EXOC6B: variants seen among roughly 807,000 people sequenced by gnomAD.
EXOC6B encodes the protein SEC15 homolog B.
In EXOC6B, 54 loss-of-function variants were observed where a neutral mutation model predicts 113.5. That is an observed-to-expected ratio of 0.48 (90% CI 0.38 to 0.60). The LOEUF is 0.60. EXOC6B is among the 20% of genes least tolerant of loss of function. The probability of loss-of-function intolerance (pLI) is 0.00; values close to 1 mark genes in which losing one functional copy is unlikely to be tolerated. For synonymous variants in EXOC6B, 357 were observed against 339.0 expected (o/e 1.05, Z -0.58); for missense variants, 797 against 977.5 (o/e 0.82, Z 2.46).
At chr2:72,504,772 C>T (rs1381531699) in intron 11 of EXOC6B, among the ~76,000 whole-genome samples, 1 of 152,046 alleles carries the variant, frequency 6.6e-6, no homozygotes, top group Non-Finnish European at 1.5e-5. Context: ...TCTATTGCTC[C>T]ATATCTTTAT....
At chr2:72,478,268 A>G (rs1242611732) in intron 17 of EXOC6B, among the ~76,000 whole-genome samples, 1 of 152,206 alleles carries the variant, frequency 6.6e-6, no homozygotes, top group African/African-American at 2.4e-5. Context: ...CTTATGAATC[A>G]GGAAAGCTAA....
intron 6 of EXOC6B, among the ~76,000 whole-genome samples, chr2:72,710,415 A>C (rs1679196370): frequency 6.6e-6 from 1 of 152,068 alleles, no homozygotes; most frequent in Non-Finnish European, 1.5e-5. Flanking sequence ...TTTTAAGGCA[A>C]GCAGAAAAAA....
chr2:72,812,061 A>G (rs753533127), intron 1 of EXOC6B, among the ~76,000 whole-genome samples: 1 of 152,184 alleles, frequency 6.6e-6, no homozygotes, highest in Non-Finnish European at 1.5e-5. Flanking sequence ...AGGAAATAAA[A>G]GGCATAAAAA....
chr2:72,556,385 T>C (rs1279897915), intron 8 of EXOC6B, among the ~76,000 whole-genome samples: 4 of 152,228 alleles, frequency 2.6e-5, no homozygotes, highest in Non-Finnish European at 5.9e-5. Context: ...ATTTAGCTTC[T>C]TCTGACTTCT....
chr2:72,263,966 G>A (rs1032936811), intron 20 of EXOC6B, among the ~76,000 whole-genome samples: 20 of 152,272 alleles, frequency 1.3e-4, no homozygotes, highest in African/African-American at 4.8e-4. Flanking sequence ...TGAAGATTCT[G>A]AAAGGAGTTT....
intron 1 of EXOC6B, among the ~76,000 whole-genome samples, chr2:72,764,868 C>G (rs145898609): frequency 6.6e-6 from 1 of 152,130 alleles, no homozygotes; most frequent in Non-Finnish European, 1.5e-5. Context: ...TAAGCCAGAT[C>G]GTATACTAAT....
At chr2:72,712,010 T>C (rs968415877) in intron 6 of EXOC6B, among the ~76,000 whole-genome samples, 6 of 152,208 alleles carry the variant, frequency 3.9e-5, no homozygotes, top group Non-Finnish European at 5.9e-5. Flanking sequence ...TGGACTACTG[T>C]ACAGTACTAA....
intron 20 of EXOC6B, among the ~76,000 whole-genome samples, chr2:72,306,620 C>T (rs747075114): frequency 2.6e-5 from 4 of 152,142 alleles, no homozygotes; most frequent in South Asian, 2.1e-4. Flanking sequence ...CTCTTTTACC[C>T]TCTTTAAGTA....
intron 11 of EXOC6B, among the ~76,000 whole-genome samples, chr2:72,507,904 G>A (rs1323911322): frequency 6.9e-6 from 1 of 144,988 alleles, no homozygotes; most frequent in Non-Finnish European, 1.5e-5. Context: ...GAGATTTAGA[G>A]ATCTGTTACA....
chr2:72,378,875 G>A (rs1048040442), intron 19 of EXOC6B, among the ~76,000 whole-genome samples: 2 of 151,902 alleles, frequency 1.3e-5, no homozygotes, highest in African/African-American at 4.8e-5. Context: ...ATTCAACTTC[G>A]AGTAGATGAT....
intron 6 of EXOC6B, among the ~76,000 whole-genome samples, chr2:72,593,333 C>A (rs1706096347): frequency 6.6e-6 from 1 of 152,050 alleles, no homozygotes; most frequent in Non-Finnish European, 1.5e-5. Flanking sequence ...TGTAGCCAAG[C>A]TAAACAGAAG....
At chr2:72,447,345 C>G (rs1162342093) in intron 18 of EXOC6B, among the ~76,000 whole-genome samples, 1 of 152,070 alleles carries the variant, frequency 6.6e-6, no homozygotes, top group Non-Finnish European at 1.5e-5. Context: ...TAAGAAATGT[C>G]TATTAAACTA....
chr2:72,790,872 G>C lies in EXOC6B; in HGVS notation c.113+34926C>G, dbSNP rs148304738. ...AATTTGATACCACATGTTCTCATTT[G>C]CATGTGGGAGCTAAAAAAAATTGAA... On this transcript the variant is annotated intron_variant, in intron 1 of 21. Coordinates refer to ENST00000272427, the MANE Select transcript of EXOC6B (RefSeq NM_015189.3). Among the ~76,000 whole-genome samples the C allele has an allele frequency of 4.0e-3, 607 of 152,104 alleles. 4 individuals carry two copies. The highest frequency in any genetic ancestry group is 0.013 in the African/African-American group (558 of 41,486).
chr2:72,709,872 T>TA (rs1405050212), intron 6 of EXOC6B, among the ~76,000 whole-genome samples: 33 of 151,244 alleles, frequency 2.2e-4, no homozygotes, highest in Non-Finnish European at 3.7e-4. Context: ...AATATAGCTT[T>TA]AAAAAAAAAC....
Position 72,716,169 on chromosome 2 carries a change from T to C in EXOC6B, c.669+1934A>G, listed in dbSNP as rs1679603000. On this transcript the variant is annotated intron_variant, in intron 6 of 21. Transcript: ENST00000272427. ...CCTGGCCCTTAAAGACCCTCCCACA[T>C]GCAACACTCTTTGGTCTTTCCCCTT... Among the ~76,000 whole-genome samples the C allele has an allele frequency of 3.3e-5, 5 of 152,250 alleles. No homozygotes were observed. The South Asian group carries it at 1.0e-3, about 32-fold the overall frequency.
At chr2:72,756,847 G>C (rs1682444263) in intron 1 of EXOC6B, among the ~76,000 whole-genome samples, 1 of 152,092 alleles carries the variant, frequency 6.6e-6, no homozygotes, top group African/African-American at 2.4e-5. Flanking sequence ...AGGAAGATGA[G>C]TAAAAGGAAG....
intron 6 of EXOC6B, among the ~76,000 whole-genome samples, chr2:72,651,702 TCTC>T (rs1246189977): frequency 6.6e-6 from 1 of 152,122 alleles, no homozygotes; most frequent in Non-Finnish European, 1.5e-5. Flanking sequence ...TTCATGCCAT[TCTC>T]CTGCCTCAGC....
chr2:72,426,315 T>C (rs1232709294), intron 18 of EXOC6B, among the ~76,000 whole-genome samples: 1 of 152,234 alleles, frequency 6.6e-6, no homozygotes, highest in East Asian at 1.9e-4. Context: ...CTTGATCTCT[T>C]ATCATAAAGC....
chr2:72,556,103 A>G (rs369601413), intron 8 of EXOC6B, among the ~76,000 whole-genome samples: 1 of 152,378 alleles, frequency 6.6e-6, no homozygotes, highest in East Asian at 1.9e-4. Flanking sequence ...AGTCAAAGCA[A>G]AAGCAGACCA....
Sources: gnomAD v4.1 joint callset for allele counts (sites outside exome capture counted in the v4.1 genomes callset) on GRCh38, gnomAD v4.1.1 for gene constraint, MANE v1.5 for transcripts, NCBI Gene and HGNC (gene_info 2026-07-23, HGNC 2026-07-21) for gene names.